RTKN2: variants seen among roughly 807,000 people sequenced by gnomAD.
The protein encoded by RTKN2 is rhotekin-2.
RTKN2 carries 69 observed loss-of-function variants against 71.5 expected under a neutral mutation model. The ratio of observed to expected loss-of-function variants is 0.96; its 90% CI spans 0.79 to 1.18. RTKN2 has a LOEUF of 1.18. Among genes scored for constraint, RTKN2 ranks in the 50% most tolerant of loss-of-function variants. RTKN2 has a pLI of 0.00. For synonymous variants in RTKN2, 236 were observed against 236.5 expected (o/e 1.00, Z 0.02); for missense variants, 724 against 719.7 (o/e 1.01, Z -0.07).
intron 2 of RTKN2, among the ~76,000 whole-genome samples, chr10:62,250,851 G>C (rs921923933): frequency 6.6e-6 from 1 of 152,096 alleles, no homozygotes; most frequent in Non-Finnish European, 1.5e-5. Flanking sequence ...AGCTGGTCTC[G>C]AACTCCTGGA....
At chr10:62,263,260 CACAT>C (rs1304736992) in intron 1 of RTKN2, among the ~76,000 whole-genome samples, 12 of 152,102 alleles carry the variant, frequency 7.9e-5, no homozygotes, top group African/African-American at 2.7e-4. Context: ...AAGACACAGT[CACAT>C]ACAGAGAGAA....
intron 3 of RTKN2, among the ~76,000 whole-genome samples, chr10:62,241,917 T>A (rs143304364): frequency 1.9e-4 from 29 of 152,262 alleles, no homozygotes; most frequent in African/African-American, 7.0e-4. Flanking sequence ...GCCAGGATGG[T>A]CTTGATCTCC....
chr10:62,239,777 A>G lies in RTKN2; in HGVS notation c.371-12T>C, dbSNP rs1363587563. 2 of 1,259,212 alleles carry G rather than the reference A, an allele frequency of 1.6e-6. No homozygotes were observed. The highest frequency in any genetic ancestry group is 3.0e-5 in the African/African-American group (2 of 67,390). The allele number at this position is 1,259,212 out of a possible 1,614,324, so 78.0% of individuals were successfully genotyped here. A position where few individuals can be genotyped will look rare whatever the true frequency, so the allele number is the denominator to read the frequency against. On this transcript the variant is annotated splice_polypyrimidine_tract_variant and intron_variant, in intron 4 of 11. Transcript: ENST00000373789. ...ATAGCGTCGTGATCCTGGAGGAAAAATAACAACATATTAAGCAACAATCCA... is the reference window on the plus strand; with the variant it reads ...ATAGCGTCGTGATCCTGGAGGAAAAGTAACAACATATTAAGCAACAATCCA...
chr10:62,205,170 AG>A, intron 9 of RTKN2, 148 bp from the exon 10 acceptor site: 2 of 637,506 alleles, frequency 3.1e-6, no homozygotes, highest in Non-Finnish European at 2.5e-6. Context: ...TGTAATTTTG[AG>A]AATTTTTTAT....
chr10:62,214,868 A>G (rs963662884), intron 9 of RTKN2, among the ~76,000 whole-genome samples: 4 of 152,074 alleles, frequency 2.6e-5, no homozygotes, highest in Non-Finnish European at 5.9e-5. Context: ...AAAACAGTCC[A>G]TGAATTTTTA....
At chr10:62,253,704 A>G (rs1042359047) in intron 2 of RTKN2, among the ~76,000 whole-genome samples, 2 of 152,122 alleles carry the variant, frequency 1.3e-5, no homozygotes, top group African/African-American at 4.8e-5. Context: ...TGCTGGAGAA[A>G]TCTTCCCACA....
In RTKN2 at chr10:62,196,488, G is replaced by T; in HGVS notation, c.*1420C>A. 1 of 985,148 alleles carries T rather than the reference G, an allele frequency of 1.0e-6. No individual in the cohort carries two copies. Among genetic ancestry groups the T allele is most frequent in the Non-Finnish European group, 1.2e-6 (1 of 829,772 alleles). 61.0% of individuals were successfully genotyped at this position (985,148 alleles called of 1,614,324 possible). On this transcript the variant is annotated 3_prime_UTR_variant, in exon 12 of 12. Transcript: ENST00000373789. Reference sequence around the variant, plus strand: ...GGCAGTTACATCATTCTCTATAAATGGAAAAGACCCCGCTATCTGAAAATA... The same window carrying T: ...GGCAGTTACATCATTCTCTATAAATTGAAAAGACCCCGCTATCTGAAAATA...
At chr10:62,257,496 C>T (rs939996651) in intron 2 of RTKN2, among the ~76,000 whole-genome samples, 6 of 152,040 alleles carry the variant, frequency 3.9e-5, no homozygotes, top group African/African-American at 1.5e-4. Flanking sequence ...TGGGTTTTAT[C>T]AAGTGAGAAT....
At chr10:62,223,429 T>TCTTTGC (rs1841953764) in intron 6 of RTKN2, 97 bp from the exon 7 acceptor site, 3 of 739,276 alleles carry the variant, frequency 4.1e-6, no homozygotes, top group Non-Finnish European at 7.1e-6. Context: ...AACAACCTGA[T>TCTTTGC]TTAAAGATAA....
intron 7 of RTKN2, among the ~76,000 whole-genome samples, chr10:62,218,748 G>A (rs1225073243): frequency 6.6e-6 from 1 of 152,174 alleles, no homozygotes; most frequent in Non-Finnish European, 1.5e-5. Flanking sequence ...CACTTTGCGA[G>A]GCCGAGGCAG....
At chr10:62,223,850 A>G (rs1841962374) in intron 6 of RTKN2, among the ~76,000 whole-genome samples, 1 of 152,188 alleles carries the variant, frequency 6.6e-6, no homozygotes. Context: ...GCAGAGACTC[A>G]GATATTTGTA....
Position 62,198,444 on chromosome 10 carries a change from C to A in RTKN2, c.1295-1G>T. 4 of 1,444,248 alleles carry A rather than the reference C, an allele frequency of 2.8e-6. No homozygotes were observed. Among genetic ancestry groups the A allele is most frequent in the Non-Finnish European group, 2.8e-6 (3 of 1,071,972 alleles). 89.5% of individuals were successfully genotyped at this position (1,444,248 alleles called of 1,614,324 possible). A position where few individuals can be genotyped will look rare whatever the true frequency, so the allele number is the denominator to read the frequency against. The stretch of plus-strand genomic sequence containing the variant: ...TCAAGTTTCATAGGTGAATCAATGC[C>A]TATAATAATTTTAAGAAAAAAAAAC... On this transcript the variant is annotated splice_acceptor_variant, in intron 11 of 11. Coordinates refer to ENST00000373789, the MANE Select transcript of RTKN2 (RefSeq NM_145307.4). LOFTEE classifies it high-confidence loss of function.
chr10:62,199,887 C>T, intron 10 of RTKN2, 26 bp from the exon 11 acceptor site: 1 of 1,398,648 alleles, frequency 7.1e-7, no homozygotes, highest in Non-Finnish European at 1.0e-6. Context: ...AAAAGGTAGA[C>T]TAGTTTAAAA....
chr10:62,219,268 C>T (rs746946610), intron 7 of RTKN2, among the ~76,000 whole-genome samples: 2 of 151,974 alleles, frequency 1.3e-5, no homozygotes, highest in African/African-American at 2.4e-5. Context: ...GACACTGGGG[C>T]GCAGCCTAGA....
At position 62,206,724 on chromosome 10, in the gene RTKN2, C is replaced by T. The variant is rs371077583; in HGVS notation, c.1021-1702G>A. Reference sequence around the variant, plus strand: ...TATACATTATATATGTTACTTTTGACTATACGCCCAGTATCTTAATTTTAT... The same window carrying T: ...TATACATTATATATGTTACTTTTGATTATACGCCCAGTATCTTAATTTTAT... On this transcript the variant is annotated intron_variant, in intron 9 of 11. Coordinates refer to ENST00000373789, the MANE Select transcript of RTKN2 (RefSeq NM_145307.4). Among the ~76,000 whole-genome samples, 24 of 152,058 alleles carry T rather than the reference C, an allele frequency of 1.6e-4. No homozygotes were observed. The South Asian group carries it at 4.8e-3, about 30-fold the overall frequency.
At chr10:62,256,211 C>G (rs1215009931) in intron 2 of RTKN2, among the ~76,000 whole-genome samples, 1 of 151,876 alleles carries the variant, frequency 6.6e-6, no homozygotes, top group East Asian at 1.9e-4. Context: ...TTTGTAGAAA[C>G]GAGGTCTTAT....
At chr10:62,244,770 AAAAC>A (rs1166115106) in intron 3 of RTKN2, among the ~76,000 whole-genome samples, 1 of 152,206 alleles carries the variant, frequency 6.6e-6, no homozygotes, top group African/African-American at 2.4e-5. Context: ...AAATAACTAT[AAAAC>A]AAGCAACAAA....
Position 62,204,894 on chromosome 10 carries a change from C to T in RTKN2, c.1149G>A (p.Lys383=), listed in dbSNP as rs41274060. 0.16 allele frequency: 250,369 copies of T among 1,586,856 alleles called. 21,668 individuals are homozygous for T. Among genetic ancestry groups the T allele is most frequent in the African/African-American group, 0.28 (20,225 of 73,118 alleles). The part of the protein sequence containing the change: ...FAVDNREDLQ[K]WMEAFWQHFF... ...AATGCTGCCAGAAGGCTTCCATCCA[C>T]TTCTGAAGATCTTCTCTATTGTCAA... Residue 383 remains lysine (K), a synonymous_variant, in exon 10 of 12, where the codon AAG becomes AAA. Transcript: ENST00000373789.
intron 6 of RTKN2, among the ~76,000 whole-genome samples, chr10:62,230,329 G>A (rs1304164928): frequency 6.6e-6 from 1 of 151,920 alleles, no homozygotes; most frequent in East Asian, 1.9e-4. Context: ...TCACCACCAC[G>A]CCTGGTTAAT....
Sources: allele counts gnomAD v4.1 joint callset (sites outside exome capture counted in the v4.1 genomes callset), GRCh38; gene constraint gnomAD v4.1.1; transcripts MANE v1.5; gene names NCBI Gene and HGNC (gene_info 2026-07-23, HGNC 2026-07-21).